The following PC variants were observed in gnomAD, a reference collection of about 807,000 sequenced individuals.
PC encodes the protein pyruvate carboxylase.
PC carries 46 observed loss-of-function variants against 107.8 expected under a neutral mutation model. The observed-to-expected ratio is 0.43, with a 90% CI of 0.34 to 0.55. PC has a LOEUF of 0.55. Among genes scored for constraint, PC ranks in the 20% least tolerant of loss-of-function variants. PC has a pLI of 0.04. For missense variants in PC, 1,241 were observed against 1,643.1 expected (o/e 0.76, Z 4.23); for synonymous variants, 662 against 684.7 (o/e 0.97, Z 0.52).
At chr11:66,880,316 T>C (rs1947142269) in intron 3 of PC, among the ~76,000 whole-genome samples, 1 of 152,128 alleles carries the variant, frequency 6.6e-6, no homozygotes, top group Non-Finnish European at 1.5e-5. Context: ...TATGCTGAGC[T>C]TGAGGGGTCT....
intron 3 of PC, among the ~76,000 whole-genome samples, chr11:66,922,428 G>T (rs936718191): frequency 3.2e-4 from 49 of 151,886 alleles, no homozygotes; most frequent in Admixed American, 2.6e-4. Flanking sequence ...TACAAAATTA[G>T]CTGGGCGTGG....
At chr11:66,946,688 C>CT (rs1565305005) in intron 3 of PC, among the ~76,000 whole-genome samples, 1 of 152,042 alleles carries the variant, frequency 6.6e-6, no homozygotes, top group East Asian at 1.9e-4. Context: ...ACTCAAGAGG[C>CT]TGAGATGGGA....
chr11:66,925,923 TAAAA>T (rs61309968), intron 3 of PC, among the ~76,000 whole-genome samples: 3 of 134,578 alleles, frequency 2.2e-5, no homozygotes, highest in Admixed American at 1.5e-4. Flanking sequence ...GGAGGGGAGT[TAAAA>T]AAAAAAAAAA....
At chr11:66,860,813 G>A (rs529774972) in intron 12 of PC, 15 of 678,174 alleles carry the variant, frequency 2.2e-5, no homozygotes, top group South Asian at 1.6e-4. Flanking sequence ...GGCACTTCAG[G>A]GTCTGCGGGG....
At chr11:66,921,651 C>T (rs760094749) in intron 3 of PC, among the ~76,000 whole-genome samples, 2 of 152,052 alleles carry the variant, frequency 1.3e-5, no homozygotes, top group Non-Finnish European at 2.9e-5. Flanking sequence ...CTGCCACTCC[C>T]GAGCTGGATG....
Position 66,868,932 on chromosome 11 carries a change from G to C in PC, c.936C>G (p.Phe312Leu). 6.2e-7 allele frequency: 1 copy of C among 1,613,886 alleles called. No homozygotes were observed. The highest frequency in any genetic ancestry group is 1.3e-5 in the African/African-American group (1 of 75,054). ...VGYENAGTVEFLVDRHGKHYF... is the reference protein window; with the variant it reads ...VGYENAGTVELLVDRHGKHYF... Reference sequence around the variant, plus strand: ...AGTGCTTGCCGTGCCTGTCCACCAGGAACTCCACGGTGCCTGCGTTCTCGT... The same window carrying C: ...AGTGCTTGCCGTGCCTGTCCACCAGCAACTCCACGGTGCCTGCGTTCTCGT... The change falls in exon 10 of 23, where the codon TTC becomes TTG. Residue 312 changes from phenylalanine to leucine, a missense_variant. This residue lies in a region of PC where 1,143 missense variants were observed against 1,551.9 expected (regional missense o/e 0.74). Transcript: ENST00000393960.
In PC at chr11:66,857,494, T is replaced by C. The variant is rs1351724757; in HGVS notation, c.1369-4111A>G. 3 of 480,036 alleles carry C rather than the reference T, an allele frequency of 6.2e-6. No homozygotes were observed. In the East Asian group the frequency reaches 9.6e-5, roughly 15 times the overall value. 29.7% of individuals were successfully genotyped at this position (480,036 alleles called of 1,614,324 possible). A position where few individuals can be genotyped will look rare whatever the true frequency, so the allele number is the denominator to read the frequency against. On this transcript the variant is annotated intron_variant, in intron 12 of 22. Transcript: ENST00000393960. This position sits in a 1 kb window ranked among gnomAD's most constrained non-coding sequence, Gnocchi z 7.1. Reference sequence around the variant, plus strand: ...CGGTCCTCCTCCGCTTCCTGCCTCATGCCTCACCTTGTCCCCAGCGCCTGG... The same window carrying C: ...CGGTCCTCCTCCGCTTCCTGCCTCACGCCTCACCTTGTCCCCAGCGCCTGG...
rs537476397 is a variant in PC, at chr11:66,851,740, A to C, written c.1982+50T>G. 3.8e-6 allele frequency: 6 copies of C among 1,596,526 alleles called. No homozygotes were observed. The South Asian group carries it at 5.5e-5, about 15-fold the overall frequency. On this transcript the variant is annotated intron_variant, in intron 16 of 22. Transcript: ENST00000393960. ...AGAGGCCATCACGACATGGCTCGGT[A>C]CCCTCTGGGCCACACCAGGTAGCGT...
chr11:66,897,258 G>T (rs1947793468), intron 3 of PC, among the ~76,000 whole-genome samples: 1 of 152,136 alleles, frequency 6.6e-6, no homozygotes, highest in African/African-American at 2.4e-5. Context: ...TTGGCACCAT[G>T]TACTTGATTA....
chr11:66,876,626 ACATG>A (rs1276498728), intron 3 of PC, among the ~76,000 whole-genome samples: 2 of 152,014 alleles, frequency 1.3e-5, no homozygotes, highest in Non-Finnish European at 2.9e-5. Flanking sequence ...GCTATCTCCC[ACATG>A]CAGATCTACA....
Position 66,909,211 on chromosome 11 carries a change from T to C in PC, c.1-37052A>G, listed in dbSNP as rs1389375995. 2.0e-5 allele frequency among the ~76,000 whole-genome samples: 3 copies of C among 152,194 alleles called. No homozygotes were observed. The East Asian group carries it at 5.8e-4, about 29-fold the overall frequency. On this transcript the variant is annotated intron_variant, in intron 3 of 22. Coordinates refer to ENST00000393960, the MANE Select transcript of PC (RefSeq NM_001040716.2). ...GGCAGAGAGGTGCCACCAACTCCCG[T>C]ACTCGCCTTGAGATTTGCCTTCTGG...
chr11:66,849,547 T>C, intron 21 of PC, 64 bp downstream of exon 21: 1 of 1,613,122 alleles, frequency 6.2e-7, no homozygotes, highest in South Asian at 1.1e-5. Flanking sequence ...ACAGCCAAGC[T>C]AAACTCCAGA....
intron 3 of PC, among the ~76,000 whole-genome samples, chr11:66,918,497 T>C (rs769370034): frequency 6.6e-6 from 1 of 151,900 alleles, no homozygotes; most frequent in African/African-American, 2.4e-5. Context: ...CAAGAGATCC[T>C]GAGCAGCTGG....
In PC at chr11:66,871,876, A is replaced by G. The variant is rs918437272; in HGVS notation, c.137-5T>C. On this transcript the variant is annotated splice_polypyrimidine_tract_variant and splice_region_variant and intron_variant, in intron 4 of 22. Coordinates refer to ENST00000393960, the MANE Select transcript of PC (RefSeq NM_001040716.2). This position sits in a 1 kb window ranked among gnomAD's most constrained non-coding sequence, Gnocchi z 7.4. ...ACACACGGATGGCAATCTCACCTAG[A>G]GGGCAAAGAAACAAGAAGTTAGATT... The G allele has an allele frequency of 2.5e-6, 4 of 1,606,912 alleles. No individual in the cohort carries two copies. The African/African-American group carries it at 5.3e-5, about 21-fold the overall frequency.
intron 3 of PC, among the ~76,000 whole-genome samples, chr11:66,891,671 C>T (rs976124233): frequency 1.3e-5 from 2 of 152,164 alleles, no homozygotes; most frequent in African/African-American, 2.4e-5. Flanking sequence ...GGATTACAGG[C>T]GTGAGCCACC....
At chr11:66,862,057 C>T (rs964975967) in intron 12 of PC, among the ~76,000 whole-genome samples, 2 of 152,118 alleles carry the variant, frequency 1.3e-5, no homozygotes, top group South Asian at 2.1e-4. Flanking sequence ...CAGGGGCAGG[C>T]GAGGGGGATG....
intron 3 of PC, among the ~76,000 whole-genome samples, chr11:66,908,697 G>C (rs1248084427): frequency 2.0e-5 from 3 of 152,164 alleles, no homozygotes; most frequent in Non-Finnish European, 4.4e-5. Context: ...GCATGGTTCG[G>C]CGCGCTCACT....
chr11:66,874,387 C>T (rs978435188), intron 3 of PC, among the ~76,000 whole-genome samples: 27 of 152,216 alleles, frequency 1.8e-4, no homozygotes, highest in African/African-American at 5.1e-4. Flanking sequence ...CACACCCGGC[C>T]GATCTGATTC....
At position 66,855,581 on chromosome 11, in the gene PC, G is replaced by A. The variant is rs1227735423; in HGVS notation, c.1369-2198C>T. Among the ~76,000 whole-genome samples, 6 of 152,312 alleles carry A rather than the reference G, an allele frequency of 3.9e-5. No homozygotes were observed. In the South Asian group the frequency reaches 1.2e-3, roughly 32 times the overall value. On this transcript the variant is annotated intron_variant, in intron 12 of 22. Coordinates refer to ENST00000393960, the MANE Select transcript of PC (RefSeq NM_001040716.2). ...CCCAAACTGCTGGGATTACAGGCAT[G>A]AACCACTGCACCCGGTGGAAAACAT... is the stretch of plus-strand genomic sequence containing the variant.
Sources: allele counts gnomAD v4.1 joint callset (sites outside exome capture counted in the v4.1 genomes callset), GRCh38; gene constraint gnomAD v4.1.1; regional missense constraint gnomAD v4.1.1; non-coding constraint Gnocchi (gnomAD v3.1); transcripts MANE v1.5; gene names NCBI Gene and HGNC (gene_info 2026-07-23, HGNC 2026-07-21).